Variants in ABCC9 observed in about 807,000 individuals in gnomAD.
The protein encoded by ABCC9 is ATP binding cassette subfamily C member 9, also known as ATP-binding cassette sub-family C member 9.
Under a neutral mutation model 188.3 loss-of-function variants are expected in ABCC9, and 95 were observed. The ratio of observed to expected loss-of-function variants is 0.50; its 90% CI spans 0.43 to 0.60. The LOEUF is 0.60. Ranked by LOEUF, ABCC9 falls within the 20% of genes least tolerant of loss-of-function variation. The pLI is 0.00. For synonymous variants in ABCC9, 659 were observed against 652.7 expected, an observed-to-expected ratio of 1.01 and a Z score of -0.15; for missense variants, 1,102 against 1,876.3, an observed-to-expected ratio of 0.59 and a Z score of 7.62.
intron 5 of ABCC9, among the ~76,000 whole-genome samples, chr12:21,925,720 G>A (rs983709350): frequency 6.6e-6 from 1 of 151,896 alleles, no homozygotes; most frequent in Non-Finnish European, 1.5e-5. Context: ...TTGCAGAAGA[G>A]ATGACCTGGG....
intron 4 of ABCC9, 61 bp downstream of exon 4, chr12:21,933,713 ATGTGAACT>A (rs2138059915): frequency 6.5e-7 from 1 of 1,548,392 alleles, no homozygotes; most frequent in South Asian, 1.1e-5. Flanking sequence ...AGTTACAAAG[ATGTGAACT>A]TGTGTAATCA....
At chr12:21,899,684 G>GT (rs1327402932) in intron 12 of ABCC9, among the ~76,000 whole-genome samples, 1 of 152,188 alleles carries the variant, frequency 6.6e-6, no homozygotes, top group African/African-American at 2.4e-5. Flanking sequence ...GGCTCGGAGG[G>GT]TCCCACACCC....
At chr12:21,879,991 A>C (rs1946542434) in intron 16 of ABCC9, among the ~76,000 whole-genome samples, 1 of 151,750 alleles carries the variant, frequency 6.6e-6, no homozygotes, top group Admixed American at 6.6e-5. Flanking sequence ...ATTCACACAC[A>C]TATAGATCCT....
At chr12:21,828,898 T>C in intron 31 of ABCC9, 60 bp downstream of exon 31, 1 of 1,372,080 alleles carries the variant, frequency 7.3e-7, no homozygotes, top group Non-Finnish European at 1.0e-6. Context: ...ACTGTCTGCC[T>C]CTTTGCAGCA....
chr12:21,931,976 A>T (rs569984341), intron 4 of ABCC9, among the ~76,000 whole-genome samples: 2 of 152,232 alleles, frequency 1.3e-5, no homozygotes, highest in South Asian at 2.1e-4. Flanking sequence ...AATGCTTAGA[A>T]GTTTCATTCC....
At chr12:21,861,125 CA>C in intron 20 of ABCC9, 70 bp from the exon 21 acceptor site, 1 of 1,229,046 alleles carries the variant, frequency 8.1e-7, no homozygotes, top group Non-Finnish European at 1.2e-6. Context: ...GTGCCAAATT[CA>C]ATACTTTGGA....
intron 29 of ABCC9, among the ~76,000 whole-genome samples, chr12:21,838,965 G>A (rs1858610115): frequency 6.6e-6 from 1 of 152,162 alleles, no homozygotes; most frequent in South Asian, 2.1e-4. Context: ...GGCAGAGGTT[G>A]AAGTGAGCTA....
At position 21,848,303 on chromosome 12, in the gene ABCC9, T is replaced by G. The variant is rs149830990; in HGVS notation, c.2770-57A>C. On this transcript the variant is annotated intron_variant, in intron 24 of 39. Coordinates refer to ENST00000261200, the MANE Select transcript of ABCC9 (RefSeq NM_020297.4). Reference sequence around the variant, plus strand: ...GCTAACACCAATAGGTTGTGACTTATCAATGAATGACTCACACGTGTAAAT... The same window carrying G: ...GCTAACACCAATAGGTTGTGACTTAGCAATGAATGACTCACACGTGTAAAT... 82 of 1,436,978 alleles carry G rather than the reference T, an allele frequency of 5.7e-5. No individual in the cohort carries two copies. In the African/African-American group the frequency reaches 7.0e-4, roughly 12 times the overall value. The allele number at this position is 1,436,978 out of a possible 1,614,324, so 89.0% of individuals were successfully genotyped here.
chr12:21,872,241 A>G (rs1035122420), intron 18 of ABCC9, among the ~76,000 whole-genome samples: 2 of 152,234 alleles, frequency 1.3e-5, no homozygotes, highest in Non-Finnish European at 2.9e-5. Context: ...TTCTCTGAAC[A>G]TTGAAACTTT....
chr12:21,871,898 A>G (rs1339616822), intron 18 of ABCC9, among the ~76,000 whole-genome samples: 1 of 152,230 alleles, frequency 6.6e-6, no homozygotes, highest in East Asian at 1.9e-4. Context: ...TAGCCAGTGT[A>G]TCCATAAACT....
intron 7 of ABCC9, 93 bp from the exon 8 acceptor site, chr12:21,913,159 A>G: frequency 2.6e-6 from 3 of 1,132,646 alleles, no homozygotes; most frequent in Non-Finnish European, 3.8e-6. Context: ...TCCTTCTTAT[A>G]CTTCAAAAAT....
intron 20 of ABCC9, 21 bp from the exon 21 acceptor site, chr12:21,861,076 A>G (rs895885426): frequency 4.8e-5 from 76 of 1,589,282 alleles, no homozygotes; most frequent in Non-Finnish European, 6.6e-5. Context: ...AATGATTTTG[A>G]ATTTTTAGAT....
At chr12:21,809,351 CAA>C (rs976215313) in intron 37 of ABCC9, among the ~76,000 whole-genome samples, 6 of 152,052 alleles carry the variant, frequency 3.9e-5, no homozygotes, top group African/African-American at 1.4e-4. Context: ...CAATACAAAA[CAA>C]TGTCTTCAAA....
intron 33 of ABCC9, 143 bp from the exon 34 acceptor site, chr12:21,816,036 GTTTTTTTTTTTTTTTTT>G (rs10611051): frequency 0.019 from 1,092 of 58,086 alleles, 8 homozygotes; most frequent in African/African-American, 0.053. Context: ...CTATGTGGCA[GTTTTTTTTTTTTTTTTT>G]TTTTTTTTTT....
chr12:21,885,206 CAAG>C (rs1247637247), intron 15 of ABCC9, among the ~76,000 whole-genome samples: 6 of 152,286 alleles, frequency 3.9e-5, no homozygotes, highest in South Asian at 2.1e-4. Context: ...TAAGCACTCT[CAAG>C]AAGGAGTTTC....
intron 12 of ABCC9, among the ~76,000 whole-genome samples, chr12:21,902,442 T>A (rs1258205468): frequency 4.6e-5 from 7 of 151,480 alleles, no homozygotes; most frequent in Admixed American, 2.6e-4. Flanking sequence ...AGAAATAACT[T>A]AGATCAGAGC....
intron 30 of ABCC9, among the ~76,000 whole-genome samples, chr12:21,837,157 G>A (rs996507504): frequency 6.6e-6 from 1 of 152,160 alleles, no homozygotes; most frequent in African/African-American, 2.4e-5. Context: ...TAAATTTCAT[G>A]TTAATATCTA....
intron 8 of ABCC9, among the ~76,000 whole-genome samples, chr12:21,911,790 G>C (rs368878322): frequency 6.6e-6 from 1 of 151,984 alleles, no homozygotes; most frequent in Non-Finnish European, 1.5e-5. Flanking sequence ...ATGCAAGGGA[G>C]AAGGATGATG....
intron 5 of ABCC9, 142 bp from the exon 6 acceptor site, chr12:21,917,245 A>G (rs1351389225): frequency 1.1e-6 from 1 of 890,214 alleles, no homozygotes; most frequent in Non-Finnish European, 1.7e-6. Context: ...TAAGAAAACA[A>G]CATATATGAT....
Sources: allele counts gnomAD v4.1 joint callset (sites outside exome capture counted in the v4.1 genomes callset), GRCh38; gene constraint gnomAD v4.1.1; transcripts MANE v1.5; gene names NCBI Gene and HGNC (gene_info 2026-07-23, HGNC 2026-07-21).